Variants in PXDN observed in about 807,000 individuals in gnomAD.
PXDN encodes the protein peroxidasin.
PXDN carries 77 observed loss-of-function variants against 140.3 expected under a neutral mutation model. That is an observed-to-expected ratio of 0.55 (90% CI 0.46 to 0.66). The LOEUF (loss-of-function observed/expected upper bound fraction) is 0.66. Among genes scored for constraint, PXDN ranks in the 30% least tolerant of loss-of-function variants. PXDN has a pLI of 0.00. For missense variants in PXDN, 1,838 were observed against 2,039.5 expected (o/e 0.90, Z 1.90); for synonymous variants, 911 against 857.4 (o/e 1.06, Z -1.09).
At chr2:1,663,506 T>A (rs1683354520) in intron 12 of PXDN, 99 bp downstream of exon 12, 11 of 1,496,338 alleles carry the variant, frequency 7.4e-6, no homozygotes, top group Non-Finnish European at 9.1e-6. Context: ...AGCCAACGCT[T>A]TATAACGAAG....
intron 21 of PXDN, among the ~76,000 whole-genome samples, chr2:1,637,825 G>A (rs1440700219): frequency 6.7e-6 from 1 of 148,228 alleles, no homozygotes; most frequent in Non-Finnish European, 1.5e-5. Context: ...GGCTGCGGAG[G>A]GAGGAAGACC....
chr2:1,698,386 T>C (rs1684344892), intron 1 of PXDN, among the ~76,000 whole-genome samples: 1 of 151,886 alleles, frequency 6.6e-6, no homozygotes, highest in South Asian at 2.1e-4. Context: ...CCAGAAATGA[T>C]AACTGTAGGG....
chr2:1,732,694 T>C (rs899285731), intron 1 of PXDN, among the ~76,000 whole-genome samples: 9 of 152,114 alleles, frequency 5.9e-5, no homozygotes, highest in Admixed American at 5.9e-4. Flanking sequence ...AAAACAAAAA[T>C]ATCCAGTGCT....
chr2:1,684,573 G>A (rs1267320859), intron 4 of PXDN, among the ~76,000 whole-genome samples: 1 of 152,156 alleles, frequency 6.6e-6, no homozygotes, highest in African/African-American at 2.4e-5. Context: ...AAATTTGGCA[G>A]GGGCATCATC....
chr2:1,645,790 G>A (rs1169694129), intron 17 of PXDN: 1 of 152,270 alleles, frequency 6.6e-6, no homozygotes, highest in African/African-American at 2.4e-5. Context: ...GCCACCAGAA[G>A]CGTCCACACC....
At chr2:1,652,531 C>T (rs1683037848) in intron 16 of PXDN, among the ~76,000 whole-genome samples, 1 of 152,078 alleles carries the variant, frequency 6.6e-6, no homozygotes, top group South Asian at 2.1e-4. Context: ...GCTGGAGTTT[C>T]ACCCATCGAG....
chr2:1,669,363 A>G (rs948809474), intron 9 of PXDN, among the ~76,000 whole-genome samples: 6 of 152,114 alleles, frequency 3.9e-5, no homozygotes, highest in African/African-American at 1.4e-4. Context: ...CGGGCTTAAA[A>G]CCTAGATGAC....
chr2:1,682,842 A>C (rs1020453396), intron 6 of PXDN, among the ~76,000 whole-genome samples: 1 of 152,150 alleles, frequency 6.6e-6, no homozygotes, highest in African/African-American at 2.4e-5. Context: ...AGGGAGGCTG[A>C]GGCACGAGAA....
intron 1 of PXDN, among the ~76,000 whole-genome samples, chr2:1,734,938 C>A (rs1457108075): frequency 6.6e-6 from 1 of 152,208 alleles, no homozygotes; most frequent in African/African-American, 2.4e-5. Flanking sequence ...AACCCTGCTA[C>A]TGCTTTATCC....
chr2:1,645,247 T>C (rs1021182191), intron 17 of PXDN, among the ~76,000 whole-genome samples: 7 of 152,222 alleles, frequency 4.6e-5, no homozygotes, highest in African/African-American at 1.7e-4. Flanking sequence ...AAATATCTGC[T>C]AAGCAAAGAT....
At chr2:1,701,875 A>T (rs1684443038) in intron 1 of PXDN, among the ~76,000 whole-genome samples, 1 of 152,108 alleles carries the variant, frequency 6.6e-6, no homozygotes, top group Admixed American at 6.5e-5. Flanking sequence ...ACAATGTGAG[A>T]GGACACGAGG....
At chr2:1,680,457 A>G (rs1183755659) in intron 6 of PXDN, 95 bp from the exon 7 acceptor site, 18 of 1,471,080 alleles carry the variant, frequency 1.2e-5, no homozygotes, top group Non-Finnish European at 1.7e-5. Flanking sequence ...GTCGGGAAAC[A>G]TGTGCCAGGC....
chr2:1,694,763 G>A (rs1223595265), intron 1 of PXDN, among the ~76,000 whole-genome samples: 31 of 152,228 alleles, frequency 2.0e-4, no homozygotes, highest in Admixed American at 2.0e-3. Context: ...GGCGGTGCTG[G>A]AGGAAGACAC....
intron 1 of PXDN, among the ~76,000 whole-genome samples, chr2:1,730,910 A>T (rs1433720544): frequency 6.6e-6 from 1 of 152,158 alleles, no homozygotes; most frequent in Non-Finnish European, 1.5e-5. Flanking sequence ...AACTGCCTTT[A>T]ATCCCCAAAT....
intron 5 of PXDN, 60 bp from the exon 6 acceptor site, chr2:1,683,787 AAAG>A: frequency 7.5e-7 from 1 of 1,339,122 alleles, no homozygotes; most frequent in Middle Eastern, 2.0e-4. Flanking sequence ...AATGTGTAGA[AAAG>A]AATATAAGCA....
At chr2:1,743,409 C>T (rs999731321) in intron 1 of PXDN, among the ~76,000 whole-genome samples, 5 of 152,154 alleles carry the variant, frequency 3.3e-5, no homozygotes, top group South Asian at 2.1e-4. Context: ...TCTCGGGAAC[C>T]CCGGCCGCCC....
chr2:1,669,607 G>C (rs1683528600), intron 9 of PXDN: 1 of 152,196 alleles, frequency 6.6e-6, no homozygotes, highest in Non-Finnish European at 1.5e-5. Flanking sequence ...TTGAGAGGCT[G>C]AGGTGGGCAA....
Position 1,648,257 on chromosome 2 carries a change from C to A in PXDN, c.3523G>T (p.Val1175Phe), listed in dbSNP as rs758986641. The A allele has an allele frequency of 7.4e-6, 12 of 1,613,816 alleles. No homozygotes were observed. In the South Asian group the frequency reaches 1.2e-4, roughly 16 times the overall value. ...HGIPPYHDYRVYCNLSAAHTF... is the reference protein window; with the variant it reads ...HGIPPYHDYRFYCNLSAAHTF... ...TGTGCCGCCGATAGATTGCAGTAGA[C>A]CCTGTAGTCGTGGTAGGGTGGGATC... Residue 1175 changes from valine to phenylalanine, a missense_variant, in exon 17 of 23, where the codon GTC (valine) becomes TTC (phenylalanine). Around this residue, in one of 5 missense-constraint regions of PXDN, gnomAD observed 850 missense variants for 894.1 expected, o/e 0.95. Coordinates refer to ENST00000252804, the MANE Select transcript of PXDN (RefSeq NM_012293.3). This position sits in a 1 kb window ranked among gnomAD's most constrained non-coding sequence, Gnocchi z 8.9.
intron 21 of PXDN, among the ~76,000 whole-genome samples, chr2:1,637,687 GC>G (rs1682601762): frequency 1.6e-4 from 20 of 126,240 alleles, no homozygotes; most frequent in South Asian, 2.7e-4. Flanking sequence ...AGGAGGACCT[GC>G]CACACGCTGT....
Sources: allele counts gnomAD v4.1 joint callset (sites outside exome capture counted in the v4.1 genomes callset), GRCh38; gene constraint gnomAD v4.1.1; regional missense constraint gnomAD v4.1.1; non-coding constraint Gnocchi (gnomAD v3.1); transcripts MANE v1.5; gene names NCBI Gene and HGNC (gene_info 2026-07-23, HGNC 2026-07-21).